The following EVC variants were observed in gnomAD, a reference collection of about 807,000 sequenced individuals.
The protein encoded by EVC is evC complex member EVC.
EVC carries 116 observed loss-of-function variants against 118.9 expected under a neutral mutation model. That is an observed-to-expected ratio of 0.98 (90% CI 0.84 to 1.14). The LOEUF is 1.14. Ranked by LOEUF, EVC falls within the 50% of genes most tolerant of loss-of-function variation. The pLI is 0.00. For synonymous variants in EVC, 619 were observed against 534.7 expected (o/e 1.16, Z -2.18); for missense variants, 1,401 against 1,246.4 (o/e 1.12, Z -1.87).
intron 15 of EVC, among the ~76,000 whole-genome samples, chr4:5,800,293 C>G (rs1279139869): frequency 6.6e-6 from 1 of 152,242 alleles, no homozygotes; most frequent in East Asian, 1.9e-4. Flanking sequence ...TGCAGTGAGC[C>G]AAGATCACAC....
intron 12 of EVC, among the ~76,000 whole-genome samples, chr4:5,790,124 C>T (rs1712482800): frequency 7.2e-6 from 1 of 139,522 alleles, no homozygotes; most frequent in East Asian, 2.0e-4. Flanking sequence ...GAGGTTGCAG[C>T]GAGCTGAGAT....
chr4:5,741,725 C>G lies in EVC; in HGVS notation c.712C>G (p.Gln238Glu), dbSNP rs770396892. The stretch of plus-strand genomic sequence containing the variant: ...CCTTTCTTGGCAATAGATGTTTATT[C>G]AGATTTTTAAAATGTGCCTCCTTGA... ...LRQEKHMMFI[Q>E]IFKMCLLDLL... is the part of the protein sequence containing the mutation. Residue 238 changes from glutamine (Q) to glutamate (E), a missense_variant, in exon 6 of 21, where the codon CAG becomes GAG. Gln to Glu is a conservative substitution (Grantham distance 29). Transcript: ENST00000264956. The G allele has an allele frequency of 1.3e-6, 2 of 1,560,162 alleles. No individual in the cohort carries two copies. The highest frequency in any genetic ancestry group is 1.8e-6 in the Non-Finnish European group (2 of 1,132,346).
At chr4:5,781,047 TCTC>T (rs1735532592) in intron 11 of EVC, among the ~76,000 whole-genome samples, 1 of 152,102 alleles carries the variant, frequency 6.6e-6, no homozygotes. Context: ...TACGGGCACA[TCTC>T]CTTCCTGTCA....
chr4:5,711,448 C>A lies in EVC; in HGVS notation c.68C>A (p.Pro23Gln). The A allele has an allele frequency of 3.9e-6, 4 of 1,026,874 alleles. No individual in the cohort carries two copies. Among genetic ancestry groups the A allele is most frequent in the Non-Finnish European group, 4.6e-6 (4 of 860,230 alleles). The allele number at this position is 1,026,874 out of a possible 1,614,324, so 63.6% of individuals were successfully genotyped here. Residue 23 changes from proline (P) to glutamine (Q), a missense_variant, in exon 1 of 21, where the codon CCG becomes CAG. By Grantham distance (76) the Pro-to-Gln change is moderately conservative. Transcript: ENST00000264956. The stretch of plus-strand genomic sequence containing the variant: ...CTGCTGGGGCGGGACGCGCTGCGGC[C>A]GGCGCCCGCCCTGCTGGCCCCCGCC... ...RLLLGRDALR[P>Q]APALLAPAVL...
chr4:5,748,287 C>T lies in EVC; in HGVS notation c.1079C>T (p.Ser360Phe), dbSNP rs1729675850. 1 of 1,614,108 alleles carries T rather than the reference C, an allele frequency of 6.2e-7. No individual in the cohort carries two copies. Among genetic ancestry groups the T allele is most frequent in the South Asian group, 1.1e-5 (1 of 91,070 alleles). Residue 360 changes from serine (S) to phenylalanine (F), a missense_variant, in exon 8 of 21, where the codon TCT becomes TTT. Coordinates refer to ENST00000264956, the MANE Select transcript of EVC (RefSeq NM_153717.3). ...GCAGCCGAAGGGCTATTGTGCGATT[C>T]TCAGGAGCTGCAGGCTCTGGTAATG... Reference protein sequence around the residue: ...MIAAEGLLCDSQELQALDALE... With the variant: ...MIAAEGLLCDFQELQALDALE...
intron 2 of EVC, among the ~76,000 whole-genome samples, chr4:5,722,322 A>C (rs1206618398): frequency 1.3e-5 from 2 of 152,208 alleles, no homozygotes; most frequent in Non-Finnish European, 2.9e-5. Flanking sequence ...CTTGTTCACT[A>C]TTCAGCTACA....
At chr4:5,782,608 A>G (rs998724502) in intron 11 of EVC, among the ~76,000 whole-genome samples, 1 of 137,376 alleles carries the variant, frequency 7.3e-6, no homozygotes, top group Non-Finnish European at 1.6e-5. Flanking sequence ...TATTATTATT[A>G]TGGTGTGGGT....
chr4:5,779,469 A>G (rs1449676369), intron 11 of EVC, among the ~76,000 whole-genome samples: 1 of 150,362 alleles, frequency 6.7e-6, no homozygotes, highest in East Asian at 1.9e-4. Flanking sequence ...CTTCCTACCC[A>G]TGAGCATGGA....
the EVC span, among the ~76,000 whole-genome samples, chr4:5,827,733 GCACACA>G: frequency 2.1e-4 from 29 of 138,332 alleles, no homozygotes; most frequent in South Asian, 9.4e-4. Flanking sequence ...ATGTGCGCGT[GCACACA>G]CACACACACA....
chr4:5,814,773 C>T (rs919025760), downstream of EVC, among the ~76,000 whole-genome samples: 1 of 152,006 alleles, frequency 6.6e-6, no homozygotes, highest in Non-Finnish European at 1.5e-5. Flanking sequence ...CCCCCCTCCC[C>T]AGCCCTCTGC....
intron 14 of EVC, among the ~76,000 whole-genome samples, chr4:5,797,593 C>G (rs1433947625): frequency 6.6e-6 from 1 of 152,122 alleles, no homozygotes; most frequent in African/African-American, 2.4e-5. Flanking sequence ...GGATCAAGGC[C>G]CACGTTAATG....
rs748636296 is a variant in EVC at position 5,814,170 on chromosome 4, G to A, written c.*3133G>A. 2 of 152,358 alleles carry A rather than the reference G, an allele frequency of 1.3e-5. No individual in the cohort carries two copies. Among genetic ancestry groups the A allele is most frequent in the African/African-American group, 2.4e-5 (1 of 41,480 alleles). 9.4% of individuals were successfully genotyped at this position (152,358 alleles called of 1,614,324 possible). ...CCCCAGGATGCCTCGCAGGTACCCT[G>A]CCTCCATTTTGGTTACCATCCCCAC... On this transcript the variant is annotated 3_prime_UTR_variant, in exon 21 of 21. Coordinates refer to ENST00000264956, the MANE Select transcript of EVC (RefSeq NM_153717.3).
rs536285259 is a variant in EVC at position 5,761,863 on chromosome 4, G to A, written c.1563+5501G>A. Among the ~76,000 whole-genome samples the A allele has an allele frequency of 8.6e-5, 13 of 151,770 alleles. No homozygotes were observed. In the South Asian group the frequency reaches 2.7e-3, roughly 32 times the overall value. On this transcript the variant is annotated intron_variant, in intron 11 of 20. Coordinates refer to ENST00000264956, the MANE Select transcript of EVC (RefSeq NM_153717.3). ...CCAAGGTTTCTCTGGGGTCCCATTG[G>A]CCAAGAAGCCCCAACTGTTAATCAG...
intron 12 of EVC, among the ~76,000 whole-genome samples, chr4:5,788,631 C>T (rs1013580113): frequency 3.3e-5 from 5 of 152,230 alleles, no homozygotes; most frequent in African/African-American, 9.6e-5. Flanking sequence ...TTCTTTCACA[C>T]CCTACATCGG....
rs75496016 is a variant in EVC, at chr4:5,749,454, C to T, written c.1098+1148C>T. On this transcript the variant is annotated intron_variant, in intron 8 of 20. Transcript: ENST00000264956. The surrounding 1 kb of genome is among the most constrained non-coding windows in gnomAD (Gnocchi z 4.4). ...TGGACACCCGTGGGAGAGAAATCTGCGAATCCAGCTTTGACTCTGGGCTCT... is the reference window on the plus strand; with the variant it reads ...TGGACACCCGTGGGAGAGAAATCTGTGAATCCAGCTTTGACTCTGGGCTCT... 0.014 allele frequency among the ~76,000 whole-genome samples: 2,154 copies of T among 152,004 alleles called. 45 individuals carry two copies. Among genetic ancestry groups the T allele is most frequent in the African/African-American group, 0.05 (2,057 of 41,438 alleles).
chr4:5,828,205 C>T, the EVC span: 2 of 985,408 alleles, frequency 2.0e-6, no homozygotes, highest in Non-Finnish European at 2.4e-6. Context: ...GGACAGCGCC[C>T]AGAGCAGCTT....
In EVC at chr4:5,811,889, C is replaced by T. The variant is rs1716961081; in HGVS notation, c.*852C>T. The stretch of plus-strand genomic sequence containing the variant: ...CCACAGCCAAGAGAAGCCTTTCCAG[C>T]CTGGAGAGAAACTTCCAGACCAGCC... On this transcript the variant is annotated 3_prime_UTR_variant, in exon 21 of 21. Transcript: ENST00000264956. 6.6e-6 allele frequency: 1 copy of T among 151,500 alleles called. No homozygotes were observed. Among genetic ancestry groups the T allele is most frequent in the Non-Finnish European group, 1.4e-5 (1 of 70,000 alleles). The allele number at this position is 151,500 out of a possible 1,614,324, so 9.4% of individuals were successfully genotyped here.
At chr4:5,780,829 G>A (rs1050679827) in intron 11 of EVC, among the ~76,000 whole-genome samples, 1 of 152,204 alleles carries the variant, frequency 6.6e-6, no homozygotes, top group African/African-American at 2.4e-5. Flanking sequence ...AGTTACTGCA[G>A]TGAAAGGATT....
chr4:5,804,533 T>A (rs1410492223), intron 16 of EVC, among the ~76,000 whole-genome samples, 197 bp from the exon 17 acceptor site: 1 of 152,158 alleles, frequency 6.6e-6, no homozygotes, highest in African/African-American at 2.4e-5. Flanking sequence ...CGCATCATAG[T>A]TTCGCTCTGC....
Sources: gnomAD v4.1 joint callset for allele counts (sites outside exome capture counted in the v4.1 genomes callset) on GRCh38, gnomAD v4.1.1 for gene constraint, Gnocchi (gnomAD v3.1) non-coding constraint, MANE v1.5 for transcripts, NCBI Gene and HGNC (gene_info 2026-07-23, HGNC 2026-07-21) for gene names.